Variants in ATP2B1 observed in about 807,000 individuals in gnomAD.
The protein encoded by ATP2B1 is ATPase plasma membrane Ca2+ transporting 1.
In ATP2B1, 14 loss-of-function variants were observed where a neutral mutation model predicts 124.2. That is an observed-to-expected ratio of 0.11 (90% CI 0.07 to 0.18). The LOEUF (loss-of-function observed/expected upper bound fraction) is 0.18, where lower values mean the gene tolerates loss of function less well. Ranked by LOEUF, ATP2B1 falls within the 10% of genes least tolerant of loss-of-function variation. The pLI is 1.00. For missense variants in ATP2B1, 763 were observed against 1,466.1 expected (o/e 0.52, Z 7.83); for synonymous variants, 449 against 492.4 (o/e 0.91, Z 1.17).
At chr12:89,613,864 A>G (rs1439615885) in intron 12 of ATP2B1, among the ~76,000 whole-genome samples, 1 of 152,248 alleles carries the variant, frequency 6.6e-6, no homozygotes, top group Non-Finnish European at 1.5e-5. Flanking sequence ...GTACTTATAC[A>G]TATGTAATAA....
At chr12:89,695,316 A>G (rs1483440280) in intron 1 of ATP2B1, among the ~76,000 whole-genome samples, 1 of 152,170 alleles carries the variant, frequency 6.6e-6, no homozygotes, top group African/African-American at 2.4e-5. Flanking sequence ...AAGGAACACC[A>G]GACACACTGA....
intron 3 of ATP2B1, among the ~76,000 whole-genome samples, chr12:89,637,365 G>GTTAACATTAT (rs1172831031): frequency 1.3e-5 from 2 of 151,926 alleles, no homozygotes; most frequent in Non-Finnish European, 2.9e-5. Flanking sequence ...CCTAAATCAG[G>GTTAACATTAT]TTAACAATAA....
chr12:89,621,864 A>G, intron 9 of ATP2B1, 73 bp from the exon 10 acceptor site: 1 of 1,329,274 alleles, frequency 7.5e-7, no homozygotes, highest in East Asian at 2.5e-5. Context: ...TAAAATGATT[A>G]TAAATTGTTT....
intron 12 of ATP2B1, among the ~76,000 whole-genome samples, chr12:89,612,725 G>C (rs1466452964): frequency 1.3e-5 from 2 of 152,102 alleles, no homozygotes. Flanking sequence ...AGACAAAACT[G>C]CACCTTCATC....
rs925662482 is a variant in ATP2B1 at position 89,589,537 on chromosome 12, T to C, written c.*1447A>G. The C allele has an allele frequency of 6.6e-6, 1 of 152,124 alleles. No homozygotes were observed. The highest frequency in any genetic ancestry group is 6.6e-5 in the Admixed American group (1 of 15,262). 9.4% of individuals were successfully genotyped at this position (152,124 alleles called of 1,614,324 possible). A position where few individuals can be genotyped will look rare whatever the true frequency, so the allele number is the denominator to read the frequency against. ...ATTAAAATAAATGTATCAAAGACAA[T>C]GGTGGTCATTGTTGTTATGTTTTTT... is the stretch of plus-strand genomic sequence containing the variant. On this transcript the variant is annotated 3_prime_UTR_variant, in exon 21 of 21. Transcript: ENST00000428670.
intron 1 of ATP2B1, among the ~76,000 whole-genome samples, chr12:89,704,067 T>C (rs1164345578): frequency 1.3e-4 from 20 of 152,202 alleles, no homozygotes; most frequent in Admixed American, 1.3e-3. Context: ...AACCTCCTCA[T>C]TTGGAACCTT....
intron 19 of ATP2B1, 99 bp downstream of exon 19, chr12:89,601,227 C>A: frequency 2.4e-6 from 2 of 846,578 alleles, no homozygotes; most frequent in Admixed American, 2.7e-5. Flanking sequence ...CCACATTAAC[C>A]ATTTAGAATC....
At chr12:89,678,732 C>T (rs1200617520) in intron 1 of ATP2B1, among the ~76,000 whole-genome samples, 1 of 151,326 alleles carries the variant, frequency 6.6e-6, no homozygotes, top group Non-Finnish European at 1.5e-5. Context: ...TTCAGCCATG[C>T]AAAAGTCAAA....
Position 89,591,206 on chromosome 12 carries a change from A to G in ATP2B1, c.3441T>C (p.His1147=), listed in dbSNP as rs1296715330. ...SRSSIHNFMT[H]PEFRIEDSEP... ...CTGAATCTTCTATCCTAAACTCAGG[A>G]TGTGTCATAAAGTTGTGAATCGAAC... Residue 1147 remains histidine, a synonymous_variant, in exon 21 of 21, where the codon CAT becomes CAC. Coordinates refer to ENST00000428670, the MANE Select transcript of ATP2B1 (RefSeq NM_001366521.1). 2 of 1,613,234 alleles carry G rather than the reference A, an allele frequency of 1.2e-6. No homozygotes were observed. Among genetic ancestry groups the G allele is most frequent in the Admixed American group, 1.7e-5 (1 of 59,940 alleles).
rs1355075434 is a variant in ATP2B1 at position 89,655,783 on chromosome 12, C to T, written c.104G>A (p.Arg35Gln). 1.9e-6 allele frequency: 3 copies of T among 1,613,986 alleles called. No homozygotes were observed. Among genetic ancestry groups the T allele is most frequent in the East Asian group, 2.2e-5 (1 of 44,904 alleles). ...GDFGITLAEL[R>Q]ALMELRSTDA... Reference sequence around the variant, plus strand: ...TGTGGACCTGAGCTCCATGAGAGCCCGCAGCTCTGCGAGCGTAATTCCAAA... The same window carrying T: ...TGTGGACCTGAGCTCCATGAGAGCCTGCAGCTCTGCGAGCGTAATTCCAAA... The change falls in exon 2 of 21, where the codon CGG (arginine) becomes CAG (glutamine). Residue 35 changes from arginine (R) to glutamine (Q), a missense_variant. By Grantham distance (43) the Arg-to-Gln change is conservative. Coordinates refer to ENST00000428670, the MANE Select transcript of ATP2B1 (RefSeq NM_001366521.1).
intron 1 of ATP2B1, among the ~76,000 whole-genome samples, chr12:89,670,459 A>G (rs1887821105): frequency 6.6e-6 from 1 of 150,618 alleles, no homozygotes; most frequent in South Asian, 2.1e-4. Flanking sequence ...TTTTAGATTC[A>G]GTGAGTACAT....
chr12:89,646,440 A>T (rs1362441123), intron 2 of ATP2B1, among the ~76,000 whole-genome samples: 1 of 152,194 alleles, frequency 6.6e-6, no homozygotes, highest in Non-Finnish European at 1.5e-5. Context: ...GGGCAAGAGG[A>T]GCCCAAGGCA....
intron 15 of ATP2B1, 121 bp downstream of exon 15, chr12:89,609,816 C>T (rs1592731759): frequency 2.4e-6 from 2 of 826,454 alleles, no homozygotes; most frequent in Non-Finnish European, 3.7e-6. Flanking sequence ...TTAATTATCC[C>T]TCGAACTAAT....
intron 1 of ATP2B1, among the ~76,000 whole-genome samples, chr12:89,684,740 C>A (rs1889760342): frequency 6.6e-6 from 1 of 152,034 alleles, no homozygotes; most frequent in Non-Finnish European, 1.5e-5. Context: ...TCCTTTTGGA[C>A]CATTTGAGAT....
chr12:89,663,620 G>C (rs527972566), intron 1 of ATP2B1, among the ~76,000 whole-genome samples: 16 of 152,218 alleles, frequency 1.1e-4, no homozygotes, highest in African/African-American at 3.9e-4. Flanking sequence ...TCCAAAATTT[G>C]CTGTTTCTAC....
chr12:89,622,666 CT>C (rs1309821678), intron 9 of ATP2B1, among the ~76,000 whole-genome samples: 4 of 152,008 alleles, frequency 2.6e-5, no homozygotes, highest in African/African-American at 9.7e-5. Flanking sequence ...TCCTAAATTA[CT>C]TGTGATTTAC....
intron 20 of ATP2B1, 106 bp downstream of exon 20, chr12:89,599,011 G>T: frequency 7.6e-7 from 1 of 1,316,134 alleles, no homozygotes; most frequent in Non-Finnish European, 1.0e-6. Flanking sequence ...CAATTTGTGG[G>T]TTGGGAAGGC....
chr12:89,601,535 C>T, intron 18 of ATP2B1, 102 bp from the exon 19 acceptor site: 1 of 641,222 alleles, frequency 1.6e-6, no homozygotes, highest in Non-Finnish European at 2.5e-6. Flanking sequence ...AGGTGAACAA[C>T]CACTATTCTG....
intron 1 of ATP2B1, among the ~76,000 whole-genome samples, chr12:89,672,712 A>C (rs996650191): frequency 6.6e-6 from 1 of 151,924 alleles, no homozygotes; most frequent in African/African-American, 2.4e-5. Flanking sequence ...CTCCACACCC[A>C]CCACAGTAGA....
Sources: gnomAD v4.1 joint callset for allele counts (sites outside exome capture counted in the v4.1 genomes callset) on GRCh38, gnomAD v4.1.1 for gene constraint, MANE v1.5 for transcripts, NCBI Gene and HGNC (gene_info 2026-07-23, HGNC 2026-07-21) for gene names.